Variants in GRM1 observed in about 807,000 individuals in gnomAD.
GRM1 encodes the protein glutamate metabotropic receptor 1.
GRM1 carries 33 observed loss-of-function variants against 90.9 expected under a neutral mutation model. The ratio of observed to expected loss-of-function variants is 0.36; its 90% CI spans 0.28 to 0.49. The LOEUF is 0.49. Among genes scored for constraint, GRM1 ranks in the 20% least tolerant of loss-of-function variants. The pLI is 0.99. For missense variants in GRM1, 1,190 were observed against 1,534.3 expected (o/e 0.78, Z 3.75); for synonymous variants, 700 against 613.2 (o/e 1.14, Z -2.09).
At chr6:146,218,072 G>A (rs1008828117) in intron 2 of GRM1, among the ~76,000 whole-genome samples, 2 of 152,106 alleles carry the variant, frequency 1.3e-5, no homozygotes, top group African/African-American at 4.8e-5. Context: ...CAAGTATAGA[G>A]AGGTTAGTAA....
chr6:146,038,774 A>G (rs766304544), intron 1 of GRM1, among the ~76,000 whole-genome samples: 2 of 151,952 alleles, frequency 1.3e-5, no homozygotes, highest in African/African-American at 2.4e-5. Context: ...CTGTGGTGCT[A>G]TAACACATTT....
In GRM1 at chr6:146,435,027, C is replaced by A; in HGVS notation, c.*231C>A. ...ATTCGGATTCTTGAATTACTCGAAGCCTTCTCTGGGAAGAAAGGGAATTCT... is the reference window on the plus strand; with the variant it reads ...ATTCGGATTCTTGAATTACTCGAAGACTTCTCTGGGAAGAAAGGGAATTCT... On this transcript the variant is annotated 3_prime_UTR_variant, in exon 8 of 8. Transcript: ENST00000282753. The A allele has an allele frequency of 1.7e-6, 1 of 605,012 alleles. No individual in the cohort carries two copies. Among genetic ancestry groups the A allele is most frequent in the East Asian group, 2.8e-5 (1 of 35,978 alleles). The allele number at this position is 605,012 out of a possible 1,614,324, so 37.5% of individuals were successfully genotyped here. A position where few individuals can be genotyped will look rare whatever the true frequency, so the allele number is the denominator to read the frequency against.
chr6:146,153,727 C>A (rs542283930), intron 1 of GRM1, among the ~76,000 whole-genome samples: 6 of 152,022 alleles, frequency 3.9e-5, no homozygotes, highest in Non-Finnish European at 8.8e-5. Context: ...AGCAAACCAC[C>A]AAGGAAGGTG....
intron 2 of GRM1, among the ~76,000 whole-genome samples, chr6:146,248,565 C>T (rs1781158746): frequency 6.6e-6 from 1 of 152,124 alleles, no homozygotes; most frequent in Non-Finnish European, 1.5e-5. Context: ...CTGAGGCCTC[C>T]CCAGCCATGC....
At chr6:146,207,674 C>G (rs934968149) in intron 2 of GRM1, among the ~76,000 whole-genome samples, 2 of 152,098 alleles carry the variant, frequency 1.3e-5, no homozygotes, top group Non-Finnish European at 2.9e-5. Context: ...ACCACCCAAA[C>G]CCCATCTTTT....
intron 2 of GRM1, among the ~76,000 whole-genome samples, chr6:146,220,631 C>G (rs1006906005): frequency 1.3e-5 from 2 of 151,880 alleles, no homozygotes; most frequent in African/African-American, 4.8e-5. Flanking sequence ...TTTTTCCTTC[C>G]TCTTACCCAT....
At chr6:146,412,312 TG>T (rs2114629761) in intron 7 of GRM1, among the ~76,000 whole-genome samples, 1 of 152,302 alleles carries the variant, frequency 6.6e-6, no homozygotes, top group East Asian at 1.9e-4. Flanking sequence ...AGGATTGACC[TG>T]AGAGGTGAGT....
At chr6:146,117,159 T>C (rs1018001402) in intron 1 of GRM1, among the ~76,000 whole-genome samples, 6 of 149,014 alleles carry the variant, frequency 4.0e-5, no homozygotes, top group Admixed American at 6.7e-5. Context: ...TATTTATTTA[T>C]TTTTTTTTTA....
At chr6:146,173,898 C>T (rs544025369) in intron 2 of GRM1, among the ~76,000 whole-genome samples, 14 of 151,986 alleles carry the variant, frequency 9.2e-5, no homozygotes, top group African/African-American at 2.9e-4. Context: ...CCTTGTGATC[C>T]GCCCGCCTTC....
chr6:146,251,116 T>C (rs1355409799), intron 2 of GRM1, among the ~76,000 whole-genome samples: 4 of 152,212 alleles, frequency 2.6e-5, no homozygotes, highest in African/African-American at 9.6e-5. Context: ...GTGAAAACGT[T>C]AGTGGCCATC....
intron 1 of GRM1, among the ~76,000 whole-genome samples, chr6:146,099,136 A>G (rs1040144114): frequency 1.3e-5 from 2 of 152,220 alleles, no homozygotes; most frequent in Middle Eastern, 3.2e-3. Context: ...CTGTAATCCC[A>G]GCACTTTGGG....
intron 2 of GRM1, among the ~76,000 whole-genome samples, chr6:146,251,120 G>A (rs1331537714): frequency 6.6e-6 from 1 of 152,154 alleles, no homozygotes; most frequent in Non-Finnish European, 1.5e-5. Flanking sequence ...AAACGTTAGT[G>A]GCCATCTATC....
At chr6:146,050,128 T>C (rs1314812885) in intron 1 of GRM1, among the ~76,000 whole-genome samples, 1 of 152,004 alleles carries the variant, frequency 6.6e-6, no homozygotes, top group African/African-American at 2.4e-5. Flanking sequence ...TGTATTACCA[T>C]GAGTGAGGGC....
At chr6:146,343,952 CT>C (rs1198207582) in intron 3 of GRM1, among the ~76,000 whole-genome samples, 4 of 152,092 alleles carry the variant, frequency 2.6e-5, no homozygotes, top group Non-Finnish European at 4.4e-5. Context: ...GTGCTTACTG[CT>C]ATTGGAGTGT....
In GRM1 at chr6:146,423,328, A is replaced by AC. The variant is rs76213655; in HGVS notation, c.2661-10543dup. 3.9e-3 allele frequency among the ~76,000 whole-genome samples: 588 copies of AC among 152,358 alleles called. 13 individuals carry two copies. In the East Asian group the frequency reaches 0.072, roughly 19 times the overall value. On this transcript the variant is annotated intron_variant, in intron 7 of 7. Transcript: ENST00000282753. ...AATGGCCACTCTGGCCTCAGATTTT[A>AC]CATGGCTTGTCCTGTAACCTTTAAT...
intron 5 of GRM1, among the ~76,000 whole-genome samples, chr6:146,376,840 A>G (rs1217548787): frequency 6.6e-6 from 1 of 152,138 alleles, no homozygotes; most frequent in Non-Finnish European, 1.5e-5. Context: ...AACTCTCATA[A>G]TTCCCACATG....
At chr6:146,397,275 A>C (rs563354250) in intron 6 of GRM1, among the ~76,000 whole-genome samples, 94 of 151,992 alleles carry the variant, frequency 6.2e-4, no homozygotes, top group African/African-American at 1.5e-3. Context: ...GAGATCGAGA[A>C]CATCCTGGCT....
intron 1 of GRM1, among the ~76,000 whole-genome samples, chr6:146,063,480 C>G (rs1177833913): frequency 6.6e-6 from 1 of 152,048 alleles, no homozygotes; most frequent in East Asian, 1.9e-4. Context: ...GATTTTTTCT[C>G]AAATCAGACA....
At chr6:146,154,779 A>G (rs1777461352) in intron 1 of GRM1, among the ~76,000 whole-genome samples, 1 of 152,196 alleles carries the variant, frequency 6.6e-6, no homozygotes, top group South Asian at 2.1e-4. Context: ...AAAAATTTTG[A>G]AAACTACTGC....
Sources: gnomAD v4.1 joint callset for allele counts (sites outside exome capture counted in the v4.1 genomes callset) on GRCh38, gnomAD v4.1.1 for gene constraint, MANE v1.5 for transcripts, NCBI Gene and HGNC (gene_info 2026-07-23, HGNC 2026-07-21) for gene names.